The following CCSER2 variants were observed in gnomAD, a reference collection of about 807,000 sequenced individuals.
CCSER2 encodes coiled-coil serine rich protein 2.
CCSER2 carries 46 observed loss-of-function variants against 92.3 expected under a neutral mutation model. That is an observed-to-expected ratio of 0.50 (90% CI 0.39 to 0.64). CCSER2 has a LOEUF of 0.64. CCSER2 is among the 30% of genes least tolerant of loss of function. The pLI, the probability that CCSER2 is intolerant of heterozygous loss-of-function variation, is 0.00. For synonymous variants in CCSER2, 433 were observed against 431.4 expected (o/e 1.00, Z -0.04); for missense variants, 1,244 against 1,238.9 (o/e 1.00, Z -0.06).
chr10:84,345,619 T>C (rs568638691), intron 1 of CCSER2, among the ~76,000 whole-genome samples: 13 of 152,290 alleles, frequency 8.5e-5, no homozygotes, highest in African/African-American at 2.9e-4. Flanking sequence ...GTTCTTACCT[T>C]ACATAATTTT....
intron 4 of CCSER2, 23 bp from the exon 5 acceptor site, chr10:84,425,708 C>A: frequency 6.5e-7 from 1 of 1,548,052 alleles, no homozygotes; most frequent in Non-Finnish European, 8.8e-7. Flanking sequence ...TGTTTATAGT[C>A]TTTTGCTTTT....
At chr10:84,455,849 AT>A in intron 6 of CCSER2, 3 of 765,526 alleles carry the variant, frequency 3.9e-6, no homozygotes, top group Non-Finnish European at 2.4e-6. Flanking sequence ...TGTATATCCC[AT>A]TGTAACGGGA....
At chr10:84,424,017 C>T (rs937971988) in intron 4 of CCSER2, among the ~76,000 whole-genome samples, 1 of 146,500 alleles carries the variant, frequency 6.8e-6, no homozygotes, top group East Asian at 2.0e-4. Flanking sequence ...CTCTCCATGG[C>T]GGCTTGTGCC....
At chr10:84,422,099 C>G (rs967400672) in intron 4 of CCSER2, among the ~76,000 whole-genome samples, 2 of 152,136 alleles carry the variant, frequency 1.3e-5, no homozygotes, top group Non-Finnish European at 2.9e-5. Flanking sequence ...TTTCTATGAC[C>G]TGCCTTGGGG....
At chr10:84,460,658 A>G (rs1846054591) in intron 6 of CCSER2, among the ~76,000 whole-genome samples, 1 of 151,570 alleles carries the variant, frequency 6.6e-6, no homozygotes, top group Non-Finnish European at 1.5e-5. Context: ...ATTAGTAGTC[A>G]TATGTTTACA....
chr10:84,396,504 C>CT (rs1205811490), intron 3 of CCSER2, among the ~76,000 whole-genome samples: 1 of 151,688 alleles, frequency 6.6e-6, no homozygotes, highest in Non-Finnish European at 1.5e-5. Flanking sequence ...ATTTGTAATA[C>CT]TTTTAGGTTC....
At chr10:84,335,191 T>C (rs984834019) in intron 1 of CCSER2, among the ~76,000 whole-genome samples, 1 of 151,474 alleles carries the variant, frequency 6.6e-6, no homozygotes, top group African/African-American at 2.4e-5. Context: ...TCTGAGCAAG[T>C]GTTTTCTGTT....
At chr10:84,426,611 AG>A (rs1200855122) in intron 5 of CCSER2, among the ~76,000 whole-genome samples, 4 of 152,200 alleles carry the variant, frequency 2.6e-5, no homozygotes, top group African/African-American at 9.6e-5. Context: ...GGAAGTTATT[AG>A]TTTTTCCTTT....
Position 84,387,593 on chromosome 10 carries a change from A to G in CCSER2, c.1614+13778A>G, listed in dbSNP as rs184037316. ...GCCCAGGCTGGAGTGCAGTGGTGCA[A>G]TCTCAGCTCACTGTAAGCTCCGCCT... On this transcript the variant is annotated intron_variant, in intron 3 of 9. Coordinates refer to ENST00000372088, the MANE Select transcript of CCSER2 (RefSeq NM_001284240.2). Among the ~76,000 whole-genome samples, 410 of 152,036 alleles carry G rather than the reference A, an allele frequency of 2.7e-3. 11 individuals are homozygous for G. Among genetic ancestry groups the G allele is most frequent in the Admixed American group, 0.023 (346 of 15,282 alleles).
intron 1 of CCSER2, among the ~76,000 whole-genome samples, chr10:84,333,078 G>GT: frequency 1.3e-5 from 2 of 152,094 alleles, no homozygotes; most frequent in Middle Eastern, 6.8e-3. Context: ...ATGTGTACTT[G>GT]TTTTTTAATA....
intron 6 of CCSER2, among the ~76,000 whole-genome samples, chr10:84,449,243 C>T (rs567524680): frequency 2.6e-5 from 4 of 152,056 alleles, no homozygotes; most frequent in East Asian, 1.9e-4. Flanking sequence ...GGCATGGTGG[C>T]GTGTGCCTGT....
At chr10:84,414,286 T>C (rs1842788775) in intron 3 of CCSER2, among the ~76,000 whole-genome samples, 1 of 152,206 alleles carries the variant, frequency 6.6e-6, no homozygotes. Flanking sequence ...TAGCTGGTAA[T>C]GGTTTTTCCT....
intron 1 of CCSER2, among the ~76,000 whole-genome samples, chr10:84,362,575 A>T (rs1845558638): frequency 1.3e-5 from 2 of 152,182 alleles, no homozygotes; most frequent in Admixed American, 1.3e-4. Context: ...AACCTTATTT[A>T]ATGTTCTTAA....
chr10:84,500,044 C>T (rs1480616673), intron 9 of CCSER2: 3 of 1,593,934 alleles, frequency 1.9e-6, no homozygotes, highest in Non-Finnish European at 2.6e-6. Flanking sequence ...CTCCCCAGCA[C>T]CTCCTTTTCT....
chr10:84,473,758 G>T (rs558490546), intron 8 of CCSER2, among the ~76,000 whole-genome samples: 2 of 151,994 alleles, frequency 1.3e-5, no homozygotes, highest in African/African-American at 4.8e-5. Context: ...CATAGACTAG[G>T]AATTAAAGGA....
intron 6 of CCSER2, among the ~76,000 whole-genome samples, chr10:84,460,581 C>T (rs957848983): frequency 2.0e-5 from 3 of 151,596 alleles, no homozygotes; most frequent in African/African-American, 7.3e-5. Context: ...AACAATTTGC[C>T]AGTAAAACAT....
chr10:84,395,770 C>A (rs527896188), intron 3 of CCSER2, among the ~76,000 whole-genome samples: 3 of 152,124 alleles, frequency 2.0e-5, no homozygotes. Flanking sequence ...AGATTTCAGC[C>A]GTAGCTGAAT....
At chr10:84,473,918 A>AT (rs1447291507) in intron 8 of CCSER2, among the ~76,000 whole-genome samples, 1 of 152,206 alleles carries the variant, frequency 6.6e-6, no homozygotes, top group African/African-American at 2.4e-5. Flanking sequence ...CTTTTTAAAA[A>AT]ATATACATTC....
chr10:84,451,322 T>G (rs1288171517), intron 6 of CCSER2, among the ~76,000 whole-genome samples: 1 of 150,112 alleles, frequency 6.7e-6, no homozygotes, highest in Non-Finnish European at 1.5e-5. Flanking sequence ...TGTGCTGGAG[T>G]GCAGTGACTA....
Sources: allele counts gnomAD v4.1 joint callset (sites outside exome capture counted in the v4.1 genomes callset), GRCh38; gene constraint gnomAD v4.1.1; transcripts MANE v1.5; gene names NCBI Gene and HGNC (gene_info 2026-07-23, HGNC 2026-07-21).